The following ANKRD55 variants were observed in gnomAD, a reference collection of about 807,000 sequenced individuals.
ANKRD55 encodes the protein ankyrin repeat domain 55.
In ANKRD55, 41 loss-of-function variants were observed where a neutral mutation model predicts 60.6. That is an observed-to-expected ratio of 0.68 (90% CI 0.53 to 0.88). The LOEUF (loss-of-function observed/expected upper bound fraction) is 0.88. Ranked by LOEUF, ANKRD55 falls within the 40% of genes least tolerant of loss-of-function variation. The pLI is 0.00. For missense variants in ANKRD55, 732 were observed against 767.6 expected (o/e 0.95, Z 0.55); for synonymous variants, 264 against 290.3 (o/e 0.91, Z 0.92).
intron 2 of ANKRD55, among the ~76,000 whole-genome samples, chr5:56,191,919 A>T (rs1581012273): frequency 6.6e-6 from 1 of 152,244 alleles, no homozygotes; most frequent in East Asian, 1.9e-4. Flanking sequence ...TGTACAGAGA[A>T]TTTCTATAGA....
At chr5:56,192,289 AG>A (rs1338980810) in intron 2 of ANKRD55, among the ~76,000 whole-genome samples, 2 of 152,254 alleles carry the variant, frequency 1.3e-5, no homozygotes, top group African/African-American at 4.8e-5. Flanking sequence ...AGAGACTCTG[AG>A]GGTAGAAAAT....
chr5:56,150,471 G>A (rs1236172074), intron 6 of ANKRD55, among the ~76,000 whole-genome samples: 1 of 152,092 alleles, frequency 6.6e-6, no homozygotes, highest in South Asian at 2.1e-4. Flanking sequence ...GGGTATGGTG[G>A]TATGCGCCTG....
At chr5:56,176,121 C>T in intron 4 of ANKRD55, 31 bp downstream of exon 4, 1 of 1,613,846 alleles carries the variant, frequency 6.2e-7, no homozygotes. Context: ...TACCCTGCTC[C>T]TTCCACCCTG....
chr5:56,115,109 G>T (rs1368775160), intron 9 of ANKRD55, among the ~76,000 whole-genome samples: 1 of 151,708 alleles, frequency 6.6e-6, no homozygotes, highest in African/African-American at 2.4e-5. Context: ...TTGAGGTGAG[G>T]GGATCGTTTG....
At chr5:56,112,048 C>T (rs1412868125) in intron 9 of ANKRD55, among the ~76,000 whole-genome samples, 1 of 152,080 alleles carries the variant, frequency 6.6e-6, no homozygotes, top group Non-Finnish European at 1.5e-5. Context: ...AGGGGATATC[C>T]TTTCAAAATT....
At chr5:56,109,944 G>C (rs1160441577) in intron 10 of ANKRD55, among the ~76,000 whole-genome samples, 1 of 152,058 alleles carries the variant, frequency 6.6e-6, no homozygotes. Context: ...CTTGAACCCG[G>C]GAAGCGGAGG....
At chr5:56,105,287 A>T (rs1034104390) in intron 10 of ANKRD55, among the ~76,000 whole-genome samples, 4 of 152,130 alleles carry the variant, frequency 2.6e-5, no homozygotes, top group African/African-American at 9.7e-5. Flanking sequence ...GGGTTTCACC[A>T]TGTTGGCCAG....
At chr5:56,137,418 A>G (rs894002610) in intron 7 of ANKRD55, 16 of 876,366 alleles carry the variant, frequency 1.8e-5, no homozygotes, top group African/African-American at 4.9e-5. Context: ...CCACACTGAG[A>G]TGATCCTTAC....
In ANKRD55 at chr5:56,099,887, A is replaced by G. The variant is rs1451540565; in HGVS notation, c.*296T>C. ...GAACAATAACAAAAAAACAGTGCAC[A>G]TGCCACAAAGCAAACCAAACATAGC... On this transcript the variant is annotated 3_prime_UTR_variant, in exon 12 of 12. Coordinates refer to ENST00000341048, the MANE Select transcript of ANKRD55 (RefSeq NM_024669.3). 4.0e-6 allele frequency: 1 copy of G among 251,524 alleles called. No homozygotes were observed. The highest frequency in any genetic ancestry group is 8.1e-5 in the East Asian group (1 of 12,394). The allele number at this position is 251,524 out of a possible 1,614,324, so 15.6% of individuals were successfully genotyped here.
At chr5:56,156,485 C>A (rs1037204246) in intron 6 of ANKRD55, among the ~76,000 whole-genome samples, 3 of 152,216 alleles carry the variant, frequency 2.0e-5, no homozygotes, top group Non-Finnish European at 4.4e-5. Flanking sequence ...GGAACTATGT[C>A]TTTGCTGGGG....
chr5:56,111,243 A>G lies in ANKRD55; in HGVS notation c.1505T>C (p.Phe502Ser). The change falls in exon 10 of 12, where the codon TTT (phenylalanine) becomes TCT (serine). Residue 502 changes from phenylalanine to serine, a missense_variant. Phe to Ser is a radical substitution (Grantham distance 155, BLOSUM62 -2). This residue lies in a region of ANKRD55 where 597 missense variants were observed against 607.5 expected (regional missense o/e 0.98). Coordinates refer to ENST00000341048, the MANE Select transcript of ANKRD55 (RefSeq NM_024669.3). ...AGACACAGTCCAAACTTTGTAGGAAAATACCTGATTAGAATCACTCTTCCA... is the reference window on the plus strand; with the variant it reads ...AGACACAGTCCAAACTTTGTAGGAAGATACCTGATTAGAATCACTCTTCCA... The part of the protein sequence containing the change: ...NPWKSDSNQV[F>S]SYKVWTVSSS... 2.5e-6 allele frequency: 4 copies of G among 1,614,204 alleles called. No individual in the cohort carries two copies. Among genetic ancestry groups the G allele is most frequent in the Non-Finnish European group, 3.4e-6 (4 of 1,180,014 alleles).
chr5:56,223,210 A>C (rs1760015421), intron 2 of ANKRD55, among the ~76,000 whole-genome samples: 1 of 151,982 alleles, frequency 6.6e-6, no homozygotes, highest in African/African-American at 2.4e-5. Flanking sequence ...AACATTCTTA[A>C]AGAAAAGAAT....
intron 2 of ANKRD55, among the ~76,000 whole-genome samples, chr5:56,229,024 C>T (rs1345754195): frequency 6.6e-6 from 1 of 151,882 alleles, no homozygotes; most frequent in Non-Finnish European, 1.5e-5. Flanking sequence ...TCCTCACCCC[C>T]AACAATACAG....
In ANKRD55 at chr5:56,157,126, A is replaced by G. The variant is rs189134709; in HGVS notation, c.483+2707T>C. 938 of 153,704 alleles carry G rather than the reference A, an allele frequency of 6.1e-3. 5 individuals are homozygous for G. Among genetic ancestry groups the G allele is most frequent in the Middle Eastern group, 0.017 (5 of 302 alleles). The allele number at this position is 153,704 out of a possible 1,614,324, so 9.5% of individuals were successfully genotyped here. A position where few individuals can be genotyped will look rare whatever the true frequency, so the allele number is the denominator to read the frequency against. ...TGAGATGCTGTTAATCTGTAACCCT[A>G]CCCCCATCCCTGTGCTCGCAGAAAC... is the stretch of plus-strand genomic sequence containing the variant. On this transcript the variant is annotated intron_variant, in intron 6 of 11. Coordinates refer to ENST00000341048, the MANE Select transcript of ANKRD55 (RefSeq NM_024669.3).
chr5:56,177,710 G>A (rs1247248138), intron 3 of ANKRD55, among the ~76,000 whole-genome samples: 4 of 152,120 alleles, frequency 2.6e-5, no homozygotes, highest in Non-Finnish European at 1.5e-5. Flanking sequence ...GGGAGGTGGA[G>A]GTTGCAGTGA....
intron 2 of ANKRD55, among the ~76,000 whole-genome samples, chr5:56,230,985 T>G (rs1341791225): frequency 6.6e-6 from 1 of 152,162 alleles, no homozygotes; most frequent in African/African-American, 2.4e-5. Flanking sequence ...TATGTTATTA[T>G]TTTAGATCCT....
intron 2 of ANKRD55, among the ~76,000 whole-genome samples, chr5:56,195,052 T>G (rs1333720473): frequency 3.9e-5 from 6 of 152,182 alleles, no homozygotes; most frequent in African/African-American, 7.2e-5. Flanking sequence ...TTAAAAACAA[T>G]AGAAAATGCA....
Position 56,173,792 on chromosome 5 carries a change from C to G in ANKRD55, c.312+2360G>C, listed in dbSNP as rs372365405. ...CTCCCAACCTCAGGTGATCCTCTAG[C>G]CTCTTGGCCTCCCAAAGTAGCGGGA... is the stretch of plus-strand genomic sequence containing the variant. On this transcript the variant is annotated intron_variant, in intron 4 of 11. Transcript: ENST00000341048. Among the ~76,000 whole-genome samples the G allele has an allele frequency of 8.7e-5, 13 of 149,866 alleles. No homozygotes were observed. The South Asian group carries it at 2.3e-3, about 27-fold the overall frequency.
intron 10 of ANKRD55, among the ~76,000 whole-genome samples, chr5:56,108,930 G>T (rs1756580050): frequency 6.6e-6 from 1 of 152,038 alleles, no homozygotes; most frequent in Non-Finnish European, 1.5e-5. Flanking sequence ...CCAGCTACCT[G>T]GGAGGCTGAG....
Sources: allele counts gnomAD v4.1 joint callset (sites outside exome capture counted in the v4.1 genomes callset), GRCh38; gene constraint gnomAD v4.1.1; regional missense constraint gnomAD v4.1.1; transcripts MANE v1.5; gene names NCBI Gene and HGNC (gene_info 2026-07-23, HGNC 2026-07-21).